The following FBXL13 variants were observed in gnomAD, a reference collection of about 807,000 sequenced individuals.
FBXL13 encodes the protein F-box and leucine rich repeat protein 13.
A neutral mutation model predicts 83.6 loss-of-function variants in FBXL13; 67 were observed. The ratio of observed to expected loss-of-function variants is 0.80; its 90% confidence interval spans 0.66 to 0.98. The LOEUF is 0.98. FBXL13 is among the 50% of genes least tolerant of loss of function. The pLI, the probability that FBXL13 is intolerant of heterozygous loss-of-function variation, is 0.00. For missense variants in FBXL13, 822 were observed against 866.5 expected, an observed-to-expected ratio of 0.95 and a Z score of 0.64; for synonymous variants, 272 against 299.5, an observed-to-expected ratio of 0.91 and a Z score of 0.95.
intron 19 of FBXL13, among the ~76,000 whole-genome samples, chr7:102,820,331 C>T (rs1309438026): frequency 1.3e-5 from 2 of 152,202 alleles, no homozygotes; most frequent in Non-Finnish European, 2.9e-5. Context: ...TTGCAGAAGA[C>T]AAAATAGGCC....
chr7:102,835,525 C>T (rs1463354393), intron 17 of FBXL13, among the ~76,000 whole-genome samples: 1 of 150,950 alleles, frequency 6.6e-6, no homozygotes, highest in Non-Finnish European at 1.5e-5. Flanking sequence ...TTCACTGATC[C>T]TTTATGTCTT....
chr7:103,040,690 A>G (rs1273616388), intron 2 of FBXL13, among the ~76,000 whole-genome samples: 4 of 152,224 alleles, frequency 2.6e-5, no homozygotes, highest in Non-Finnish European at 5.9e-5. Flanking sequence ...CTGTACAACT[A>G]CATGGAAACT....
At chr7:103,073,857 C>A (rs995520838) in intron 1 of FBXL13, among the ~76,000 whole-genome samples, 2 of 152,178 alleles carry the variant, frequency 1.3e-5, no homozygotes, top group African/African-American at 4.8e-5. Context: ...CTAGACATCT[C>A]TCTCCCTCAT....
intron 11 of FBXL13, among the ~76,000 whole-genome samples, chr7:102,905,151 T>C (rs1563070276): frequency 6.6e-6 from 1 of 152,220 alleles, no homozygotes; most frequent in Non-Finnish European, 1.5e-5. Flanking sequence ...GCAGATTAAG[T>C]CTGATGTGTC....
chr7:102,995,330 A>C (rs140647239), intron 6 of FBXL13, among the ~76,000 whole-genome samples: 1,971 of 151,540 alleles, frequency 0.013, 18 homozygotes, highest in Middle Eastern at 0.027. Context: ...AAATACAAAA[A>C]ATTAGCTGGG....
intron 6 of FBXL13, among the ~76,000 whole-genome samples, chr7:103,024,758 T>C (rs1464151940): frequency 2.0e-5 from 3 of 147,050 alleles, no homozygotes; most frequent in African/African-American, 7.4e-5. Context: ...GGCAAAAATA[T>C]CCTTATTCTA....
chr7:103,012,173 C>T (rs954472716), intron 6 of FBXL13, among the ~76,000 whole-genome samples: 1 of 152,014 alleles, frequency 6.6e-6, no homozygotes, highest in Non-Finnish European at 1.5e-5. Flanking sequence ...GTCAGGAGTT[C>T]GAGACTAGCC....
chr7:102,960,534 AAG>A (rs1291686517), intron 8 of FBXL13, among the ~76,000 whole-genome samples: 2 of 151,322 alleles, frequency 1.3e-5, no homozygotes, highest in African/African-American at 4.8e-5. Flanking sequence ...ACAACAAAAA[AAG>A]AGAATTTTAG....
chr7:102,932,938 A>G (rs1819504636), intron 8 of FBXL13: 1 of 152,274 alleles, frequency 6.6e-6, no homozygotes, highest in Non-Finnish European at 1.5e-5. Context: ...ACAAATACTT[A>G]TCAAGGAGAT....
intron 6 of FBXL13, among the ~76,000 whole-genome samples, chr7:103,023,275 CAAACA>C (rs1273541312): frequency 6.6e-6 from 1 of 151,524 alleles, no homozygotes; most frequent in African/African-American, 2.4e-5. Context: ...GACTCCGTCT[CAAACA>C]AAACAAAACA....
intron 11 of FBXL13, among the ~76,000 whole-genome samples, chr7:102,895,529 C>T (rs752686992): frequency 6.6e-6 from 1 of 152,210 alleles, no homozygotes; most frequent in Non-Finnish European, 1.5e-5. Flanking sequence ...GGCATTTGGG[C>T]TTGAACCTGA....
chr7:103,069,737 G>C (rs887608176), intron 1 of FBXL13, among the ~76,000 whole-genome samples: 1 of 152,180 alleles, frequency 6.6e-6, no homozygotes, highest in African/African-American at 2.4e-5. Context: ...ATATCATCTG[G>C]AACTTCTATT....
intron 9 of FBXL13, 109 bp from the exon 11 acceptor site, chr7:102,926,483 G>T (rs896823709): frequency 3.8e-6 from 3 of 782,526 alleles, no homozygotes; most frequent in African/African-American, 1.8e-5. Context: ...ATACATGTAA[G>T]AGTTGGTTTC....
chr7:102,902,702 G>A (rs1813119315), intron 11 of FBXL13, among the ~76,000 whole-genome samples: 1 of 152,120 alleles, frequency 6.6e-6, no homozygotes. Flanking sequence ...CTCAGTGTGT[G>A]TCCTTGGCAC....
chr7:103,025,121 A>G (rs774090576), exon 6 of FBXL13: 48 of 1,613,006 alleles, frequency 3.0e-5, no homozygotes, highest in Non-Finnish European at 4.1e-5. Context: ...CTCATCTACA[A>G]GAAAGACTTC....
intron 8 of FBXL13, chr7:102,933,374 A>T (rs946812376): frequency 6.6e-6 from 1 of 152,144 alleles, no homozygotes; most frequent in Non-Finnish European, 1.5e-5. Flanking sequence ...AATTCTTTGA[A>T]TTTCTTAAAT....
intron 6 of FBXL13, among the ~76,000 whole-genome samples, chr7:103,019,435 T>C (rs1474661166): frequency 3.3e-5 from 5 of 151,778 alleles, no homozygotes; most frequent in Non-Finnish European, 7.4e-5. Context: ...AGAGCAAACA[T>C]ATTCAAAAGC....
At chr7:102,983,872 G>T (rs1333209884) in intron 6 of FBXL13, among the ~76,000 whole-genome samples, 1 of 152,140 alleles carries the variant, frequency 6.6e-6, no homozygotes, top group Non-Finnish European at 1.5e-5. Flanking sequence ...AAGGAGATAA[G>T]ACTCTCCCTC....
intron 17 of FBXL13, among the ~76,000 whole-genome samples, chr7:102,852,117 G>A (rs1347224575): frequency 2.0e-5 from 3 of 152,036 alleles, no homozygotes; most frequent in South Asian, 2.1e-4. Context: ...GCAGTTCATC[G>A]CTCTCCATGT....
Sources: allele counts gnomAD v4.1 joint callset (sites outside exome capture counted in the v4.1 genomes callset), GRCh38; gene constraint gnomAD v4.1.1; transcripts MANE v1.5; gene names NCBI Gene and HGNC (gene_info 2026-07-23, HGNC 2026-07-21).